Variants in IL1RAPL1 observed in about 807,000 individuals in gnomAD.
IL1RAPL1 encodes the protein interleukin-1 receptor accessory protein-like 1.
In IL1RAPL1, 3 loss-of-function variants were observed where a neutral mutation model predicts 48.4. The ratio of observed to expected loss-of-function variants is 0.06; its 90% confidence interval spans 0.03 to 0.16. IL1RAPL1 has a LOEUF of 0.16. IL1RAPL1 is among the 10% of genes least tolerant of loss of function. The pLI, the probability that IL1RAPL1 is intolerant of heterozygous loss-of-function variation, is 1.00. For synonymous variants in IL1RAPL1, 185 were observed against 187.7 expected (o/e 0.99, Z 0.12); for missense variants, 349 against 530.6 (o/e 0.66, Z 3.36).
chrX:29,255,302 T>C (rs1411694226), intron 2 of IL1RAPL1, among the ~76,000 whole-genome samples: 1 of 109,935 alleles, frequency 9.1e-6, no homozygotes, highest in African/African-American at 3.3e-5. Context: ...TTCCCTCTTC[T>C]TCCTGACCCA....
At chrX:28,707,382 A>T (rs1181564503) in intron 1 of IL1RAPL1, among the ~76,000 whole-genome samples, 1 of 112,151 alleles carries the variant, frequency 8.9e-6, no homozygotes, top group Non-Finnish European at 1.9e-5. Flanking sequence ...CCATAGCAGG[A>T]TTAAGCTCTA....
At chrX:29,674,150 G>T (rs1926211173) in intron 6 of IL1RAPL1, among the ~76,000 whole-genome samples, 1 of 112,144 alleles carries the variant, frequency 8.9e-6, no homozygotes, top group African/African-American at 3.2e-5. Flanking sequence ...GTCAGGGCCA[G>T]TCACGGTAGC....
intron 5 of IL1RAPL1, among the ~76,000 whole-genome samples, chrX:29,578,550 G>C (rs1302041086): frequency 8.9e-6 from 1 of 111,765 alleles, no homozygotes; most frequent in Non-Finnish European, 1.9e-5. Context: ...CCAATCTAGG[G>C]AGAGAGAAGG....
At chrX:28,819,236 C>T (rs892125196) in intron 2 of IL1RAPL1, among the ~76,000 whole-genome samples, 3 of 110,933 alleles carry the variant, frequency 2.7e-5, no homozygotes, top group African/African-American at 6.5e-5. Flanking sequence ...CATGAATCTT[C>T]GGATCCTTTA....
intron 5 of IL1RAPL1, among the ~76,000 whole-genome samples, chrX:29,512,319 A>G (rs754033770): frequency 4.8e-4 from 50 of 103,244 alleles, no homozygotes; most frequent in African/African-American, 1.7e-3. Context: ...TAGGTAGGAT[A>G]AGTACTAAGA....
intron 1 of IL1RAPL1, among the ~76,000 whole-genome samples, chrX:28,756,578 C>G (rs780069266): frequency 8.9e-6 from 1 of 112,095 alleles, no homozygotes; most frequent in African/African-American, 3.2e-5. Flanking sequence ...TCCAAATGTC[C>G]CAACCTCTAC....
At chrX:29,504,599 T>C (rs1226779808) in intron 5 of IL1RAPL1, among the ~76,000 whole-genome samples, 1 of 112,107 alleles carries the variant, frequency 8.9e-6, no homozygotes, top group Non-Finnish European at 1.9e-5. Context: ...CTTCTTAGTC[T>C]CTTTTTACAG....
intron 6 of IL1RAPL1, among the ~76,000 whole-genome samples, chrX:29,910,384 T>TAA (rs545061186): frequency 1.9e-5 from 2 of 106,227 alleles, no homozygotes; most frequent in African/African-American, 6.8e-5. Context: ...AGTAAAAATT[T>TAA]AAAAAAAAAA....
At chrX:29,530,474 T>A (rs1488386558) in intron 5 of IL1RAPL1, among the ~76,000 whole-genome samples, 2 of 111,913 alleles carry the variant, frequency 1.8e-5, no homozygotes, top group African/African-American at 6.5e-5. Context: ...GTGTAATACA[T>A]GCTTCAGACT....
At chrX:29,725,031 A>G (rs1227138343) in intron 6 of IL1RAPL1, among the ~76,000 whole-genome samples, 1 of 111,176 alleles carries the variant, frequency 9.0e-6, no homozygotes, top group Non-Finnish European at 1.9e-5. Context: ...ATTTAGAGTG[A>G]GGAAGACAGT....
chrX:29,839,477 T>C (rs1262411052), intron 6 of IL1RAPL1, among the ~76,000 whole-genome samples: 1 of 112,747 alleles, frequency 8.9e-6, no homozygotes. Flanking sequence ...TAGTGTCTCC[T>C]TCCTTAACAA....
chrX:28,925,449 TGA>T (rs1923717229), intron 2 of IL1RAPL1, among the ~76,000 whole-genome samples: 1 of 111,301 alleles, frequency 9.0e-6, no homozygotes, highest in East Asian at 2.9e-4. Flanking sequence ...TTGTGGTGGG[TGA>T]GAGAGTGGAG....
At chrX:29,805,378 C>T (rs1227220800) in intron 6 of IL1RAPL1, among the ~76,000 whole-genome samples, 1 of 109,609 alleles carries the variant, frequency 9.1e-6, no homozygotes, top group African/African-American at 3.4e-5. Context: ...CTTCTCCAAG[C>T]TTCCTATTAG....
intron 2 of IL1RAPL1, among the ~76,000 whole-genome samples, chrX:29,113,800 A>G (rs1928621373): frequency 9.0e-6 from 1 of 111,354 alleles, no homozygotes; most frequent in Non-Finnish European, 1.9e-5. Context: ...GGGGGCTTGT[A>G]TGCAGATGAT....
At chrX:28,679,953 C>T (rs1935039791) in intron 1 of IL1RAPL1, among the ~76,000 whole-genome samples, 1 of 111,390 alleles carries the variant, frequency 9.0e-6, no homozygotes, top group Admixed American at 9.6e-5. Context: ...CTTTGTGGTT[C>T]TATATGAATT....
intron 2 of IL1RAPL1, among the ~76,000 whole-genome samples, chrX:28,976,045 TCATAAAAATC>T (rs201483855): frequency 0.013 from 1,469 of 112,037 alleles, 25 homozygotes; most frequent in African/African-American, 0.045. Context: ...GAAGACAAGT[TCATAAAAATC>T]CATAAAAATC....
chrX:29,130,375 A>G (rs1382960001), intron 2 of IL1RAPL1, among the ~76,000 whole-genome samples: 1 of 112,109 alleles, frequency 8.9e-6, no homozygotes, highest in Non-Finnish European at 1.9e-5. Flanking sequence ...TTATCCACTT[A>G]TTTATGTTGA....
At chrX:29,080,994 T>TTCTCTCTCTCTCTC (rs201299964) in intron 2 of IL1RAPL1, among the ~76,000 whole-genome samples, 10 of 26,441 alleles carry the variant, frequency 3.8e-4, no homozygotes, top group East Asian at 1.4e-3. Flanking sequence ...CTTTCTTTCT[T>TTCTCTCTCTCTCTC]TCTCTCTCTC....
intron 2 of IL1RAPL1, among the ~76,000 whole-genome samples, chrX:28,981,105 A>C (rs1925325878): frequency 1.9e-5 from 1 of 53,166 alleles, no homozygotes; most frequent in African/African-American, 4.8e-5. Flanking sequence ...AAAAAAAAAA[A>C]AAAAAAAAAA....
Sources: gnomAD v4.1 joint callset for allele counts (sites outside exome capture counted in the v4.1 genomes callset) on GRCh38, gnomAD v4.1.1 for gene constraint, MANE v1.5 for transcripts, NCBI Gene and HGNC (gene_info 2026-07-23, HGNC 2026-07-21) for gene names.